PACS2: variants seen among roughly 807,000 people sequenced by gnomAD.
PACS2 encodes PACS1-like protein.
PACS2 carries 36 observed loss-of-function variants against 113.0 expected under a neutral mutation model. The observed-to-expected ratio is 0.32, with a 90% confidence interval of 0.24 to 0.42. The LOEUF is 0.42. Among genes scored for constraint, PACS2 ranks in the 10% least tolerant of loss-of-function variants. PACS2 has a pLI of 1.00. For missense variants in PACS2, 1,015 were observed against 1,239.5 expected, an observed-to-expected ratio of 0.82 and a Z score of 2.72; for synonymous variants, 589 against 536.1, an observed-to-expected ratio of 1.10 and a Z score of -1.36.
exon 1 of PACS2, chr14:105,300,795 GGGCCGCGCCGCCCGCAAC>G (rs1302893345): frequency 2.0e-5 from 7 of 344,778 alleles, no homozygotes; most frequent in Non-Finnish European, 2.6e-5. Context: ...GCGCGCGCCC[GGGCCGCGCCGCCCGCAAC>G]GGCCGCGCCC....
rs2080798171 is a variant in PACS2, at chr14:105,376,812, A to G, written c.846A>G (p.Ala282=). 9 of 1,613,216 alleles carry G rather than the reference A, an allele frequency of 5.6e-6. No homozygotes were observed. The East Asian group carries it at 2.0e-4, about 36-fold the overall frequency. ...ACCCTGCGGAGCACATCCCCGAGGC[A>G]GAGGAGGACCTGGACCTCCTGTATG... ...EQDPAEHIPE[A]EEDLDLLYDT... The change falls in exon 9 of 25, where the codon GCA becomes GCG. Residue 282 remains alanine, a synonymous_variant. Coordinates refer to ENST00000447393, the MANE Select transcript of PACS2 (RefSeq NM_001100913.3). The surrounding 1 kb of genome is among the most constrained non-coding windows in gnomAD (Gnocchi z 4.7).
chr14:105,327,962 G>T (rs1346551204), intron 1 of PACS2, among the ~76,000 whole-genome samples: 1 of 149,076 alleles, frequency 6.7e-6, no homozygotes, highest in Non-Finnish European at 1.5e-5. Flanking sequence ...CACCCGAGGG[G>T]CCATTGACAG....
rs2081529966 is a variant in PACS2, at chr14:105,396,426, C to G, written c.*1754C>G. On this transcript the variant is annotated 3_prime_UTR_variant, in exon 25 of 25. Coordinates refer to ENST00000447393, the MANE Select transcript of PACS2 (RefSeq NM_001100913.3). ...TCTGACCCCGGCAACAGGTGGGACCCTGACTGACTCGTTCAGCTGCCCCCA... is the reference window on the plus strand; with the variant it reads ...TCTGACCCCGGCAACAGGTGGGACCGTGACTGACTCGTTCAGCTGCCCCCA... 6.6e-6 allele frequency: 1 copy of G among 152,222 alleles called. No homozygotes were observed. Among genetic ancestry groups the G allele is most frequent in the Non-Finnish European group, 1.5e-5 (1 of 68,134 alleles). 9.4% of individuals were successfully genotyped at this position (152,222 alleles called of 1,614,324 possible).
chr14:105,382,053 C>CTG lies in PACS2; in HGVS notation c.1409_1410dup (p.Gln471CysfsTer84). ...CGCCCGGAGCCAGCTACAGGTGCAG[C>CTG]TGCAGGTGGGGGTGGAGGGCGTGGC... On this transcript the variant is annotated frameshift_variant, in exon 13 of 25. Coordinates refer to ENST00000447393, the MANE Select transcript of PACS2 (RefSeq NM_001100913.3). LOFTEE classifies it high-confidence loss of function. The CTG allele has an allele frequency of 6.5e-7, 1 of 1,543,192 alleles. No individual in the cohort carries two copies. Among genetic ancestry groups the CTG allele is most frequent in the Non-Finnish European group, 8.7e-7 (1 of 1,146,520 alleles).
At chr14:105,322,376 G>A (rs973057600) in intron 1 of PACS2, among the ~76,000 whole-genome samples, 1 of 151,886 alleles carries the variant, frequency 6.6e-6, no homozygotes, top group Admixed American at 6.6e-5. Flanking sequence ...TGATTCTTGT[G>A]CCTCAGCCTC....
At chr14:105,359,004 G>A (rs1359341343) in intron 4 of PACS2, among the ~76,000 whole-genome samples, 3 of 152,230 alleles carry the variant, frequency 2.0e-5, no homozygotes, top group Non-Finnish European at 2.9e-5. Flanking sequence ...GGTAGCCATC[G>A]TAACACCATA....
intron 1 of PACS2, among the ~76,000 whole-genome samples, chr14:105,302,461 C>G (rs974809931): frequency 6.6e-6 from 1 of 152,120 alleles, no homozygotes. Context: ...CTTCAGCCTC[C>G]CAAAGTGCTG....
rs782031549 is a variant in PACS2, at chr14:105,355,757, C to T, written c.423+580C>T. ...CAGCCAAGCAGCAGCCCACCTTGCTCCAGAGAACCCAGCGTTCCAAGGAGG... is the reference window on the plus strand; with the variant it reads ...CAGCCAAGCAGCAGCCCACCTTGCTTCAGAGAACCCAGCGTTCCAAGGAGG... On this transcript the variant is annotated intron_variant, in intron 4 of 24. Transcript: ENST00000447393. The surrounding 1 kb of genome is among the most constrained non-coding windows in gnomAD (Gnocchi z 4.1). 2.0e-5 allele frequency among the ~76,000 whole-genome samples: 3 copies of T among 152,226 alleles called. No individual in the cohort carries two copies. Among genetic ancestry groups the T allele is most frequent in the Non-Finnish European group, 4.4e-5 (3 of 68,038 alleles).
chr14:105,392,936 G>T, intron 23 of PACS2, 91 bp downstream of exon 23: 1 of 1,085,400 alleles, frequency 9.2e-7, no homozygotes. Context: ...GACAGCCCCC[G>T]GGCTGGCCTC....
At chr14:105,349,678 G>A (rs910210336) in intron 2 of PACS2, among the ~76,000 whole-genome samples, 1 of 152,386 alleles carries the variant, frequency 6.6e-6, no homozygotes, top group African/African-American at 2.4e-5. Context: ...TTAAATAAAC[G>A]TCTGGAGAAA....
upstream of PACS2, among the ~76,000 whole-genome samples, chr14:105,312,590 G>A (rs2140713409): frequency 6.6e-6 from 1 of 152,348 alleles, no homozygotes; most frequent in Non-Finnish European, 1.5e-5. Flanking sequence ...GTCATAGCAT[G>A]GGGAGGGATG....
rs781821323 is a variant in PACS2 at position 105,368,532 on chromosome 14, T to C, written c.734T>C (p.Met245Thr). 7 of 1,613,182 alleles carry C rather than the reference T, an allele frequency of 4.3e-6. No individual in the cohort carries two copies. Residue 245 changes from methionine (M) to threonine (T), a missense_variant, in exon 7 of 25, where the codon ATG (methionine) becomes ACG (threonine). By Grantham distance (81) the Met-to-Thr change is moderately conservative. Around this residue, in one of 3 missense-constraint regions of PACS2, gnomAD observed 859 missense variants for 1,056.8 expected, o/e 0.81. Coordinates refer to ENST00000447393, the MANE Select transcript of PACS2 (RefSeq NM_001100913.3). Reference sequence around the variant, plus strand: ...AGATCGATTGTAAGAACGACGTCCATGACCAGGGTTGGTGGAGACTGCTTC... The same window carrying C: ...AGATCGATTGTAAGAACGACGTCCACGACCAGGGTTGGTGGAGACTGCTTC... Reference protein sequence around the residue: ...QRRSIVRTTSMTRQQNFKQKV... With the variant: ...QRRSIVRTTSTTRQQNFKQKV...
Position 105,354,918 on chromosome 14 carries a change from G to A in PACS2, c.298-134G>A, listed in dbSNP as rs1368352247. ...CTGGGATGAACTTGGGGGCCCGTCT[G>A]TGGGTGCCCTTCCGATCTCATGGGC... On this transcript the variant is annotated intron_variant, in intron 3 of 24. Transcript: ENST00000447393. The surrounding 1 kb of genome is among the most constrained non-coding windows in gnomAD (Gnocchi z 4.2). 3.8e-6 allele frequency: 3 copies of A among 786,180 alleles called. No individual in the cohort carries two copies. Among genetic ancestry groups the A allele is most frequent in the Non-Finnish European group, 4.1e-6 (2 of 491,886 alleles). The allele number at this position is 786,180 out of a possible 1,614,324, so 48.7% of individuals were successfully genotyped here.
chr14:105,377,097 C>G (rs782763679), intron 9 of PACS2, among the ~76,000 whole-genome samples, 172 bp downstream of exon 9: 2 of 152,196 alleles, frequency 1.3e-5, no homozygotes, highest in Non-Finnish European at 2.9e-5. Context: ...GGCTGCCTGG[C>G]AGGCCCAGGC....
chr14:105,379,922 CCCTGT>C (rs1377939393), intron 10 of PACS2, 93 bp downstream of exon 10: 1 of 1,396,190 alleles, frequency 7.2e-7, no homozygotes, highest in Non-Finnish European at 1.0e-6. Flanking sequence ...GGGCCCAGGG[CCCTGT>C]CCAGCTGTCC....
At chr14:105,351,249 C>T (rs1313117043) in intron 2 of PACS2, among the ~76,000 whole-genome samples, 4 of 152,236 alleles carry the variant, frequency 2.6e-5, no homozygotes, top group Non-Finnish European at 4.4e-5. Flanking sequence ...AACAGCACTG[C>T]GATAAGCACG....
chr14:105,326,299 C>A (rs1439610732), intron 1 of PACS2, among the ~76,000 whole-genome samples: 3 of 152,210 alleles, frequency 2.0e-5, no homozygotes, highest in Non-Finnish European at 4.4e-5. Flanking sequence ...TCCGCAGCAG[C>A]AGTGGAGTTG....
At chr14:105,304,818 C>T (rs1429219714) in intron 1 of PACS2, among the ~76,000 whole-genome samples, 1 of 152,226 alleles carries the variant, frequency 6.6e-6, no homozygotes, top group African/African-American at 2.4e-5. Context: ...TGCAGGGAAA[C>T]TCCCTCTTAT....
chr14:105,374,050 G>A (rs927028283), intron 8 of PACS2, among the ~76,000 whole-genome samples: 46 of 151,794 alleles, frequency 3.0e-4, no homozygotes, highest in African/African-American at 1.1e-3. Context: ...TGCTACCTGG[G>A]AGGCTGAAGT....
Sources: allele counts gnomAD v4.1 joint callset (sites outside exome capture counted in the v4.1 genomes callset), GRCh38; gene constraint gnomAD v4.1.1; regional missense constraint gnomAD v4.1.1; non-coding constraint Gnocchi (gnomAD v3.1); transcripts MANE v1.5; gene names NCBI Gene and HGNC (gene_info 2026-07-23, HGNC 2026-07-21).